TTLL5: variants seen among roughly 807,000 people sequenced by gnomAD.
TTLL5 encodes the protein tubulin polyglutamylase TTLL5.
In TTLL5, 132 loss-of-function variants were observed where a neutral mutation model predicts 168.4. The ratio of observed to expected loss-of-function variants is 0.78; its 90% CI spans 0.68 to 0.91. The LOEUF (loss-of-function observed/expected upper bound fraction) is 0.91, where lower values mean the gene tolerates loss of function less well. Ranked by LOEUF, TTLL5 falls within the 40% of genes least tolerant of loss-of-function variation. The probability of loss-of-function intolerance (pLI) is 0.00; values close to 1 mark genes in which losing one functional copy is unlikely to be tolerated. For synonymous variants in TTLL5, 546 were observed against 558.6 expected (o/e 0.98, Z 0.32); for missense variants, 1,545 against 1,581.5 (o/e 0.98, Z 0.39).
At chr14:75,928,367 A>ATATATATATATATATATATATATATATC in intron 31 of TTLL5, among the ~76,000 whole-genome samples, 2 of 140,096 alleles carry the variant, frequency 1.4e-5, no homozygotes, top group African/African-American at 2.8e-5. Context: ...ATATATATAT[A>ATATATATATATATATATATATATATATC]TCACTGTATT....
intron 17 of TTLL5, among the ~76,000 whole-genome samples, chr14:75,749,237 T>C (rs569100867): frequency 7.2e-5 from 11 of 152,292 alleles, no homozygotes; most frequent in Admixed American, 5.2e-4. Flanking sequence ...CCATTTACTT[T>C]TGAGTATTTC....
chr14:75,911,865 A>C (rs981823971), intron 31 of TTLL5, among the ~76,000 whole-genome samples: 1 of 152,242 alleles, frequency 6.6e-6, no homozygotes, highest in Non-Finnish European at 1.5e-5. Flanking sequence ...ATCATCGTAC[A>C]TGTGTACATT....
At chr14:75,679,522 A>G (rs1884440432) in intron 3 of TTLL5, among the ~76,000 whole-genome samples, 1 of 152,246 alleles carries the variant, frequency 6.6e-6, no homozygotes, top group Non-Finnish European at 1.5e-5. Context: ...GTAATTTGTC[A>G]CAGCAGCAAA....
chr14:75,757,138 T>A (rs1315810235), intron 18 of TTLL5, among the ~76,000 whole-genome samples: 3 of 152,082 alleles, frequency 2.0e-5, no homozygotes, highest in African/African-American at 7.2e-5. Context: ...CCACCACGCC[T>A]GGCTGATTTT....
At chr14:75,747,675 T>C (rs954611950) in intron 17 of TTLL5, among the ~76,000 whole-genome samples, 3 of 152,156 alleles carry the variant, frequency 2.0e-5, no homozygotes, top group African/African-American at 7.2e-5. Context: ...AAAGAGTCTT[T>C]TGAGGTGTCT....
chr14:75,752,957 T>C lies in TTLL5; in HGVS notation c.1550+2T>C. On this transcript the variant is annotated splice_donor_variant, in intron 18 of 31. Transcript: ENST00000298832. LOFTEE classifies it high-confidence loss of function. ...GGCAACACGCCTCTTCCAGGACAGG[T>C]AGAGATTTGCTAAACTTTAAATTTA... 11 of 1,612,230 alleles carry C rather than the reference T, an allele frequency of 6.8e-6. No homozygotes were observed. Among genetic ancestry groups the C allele is most frequent in the Non-Finnish European group, 9.3e-6 (11 of 1,178,772 alleles).
chr14:75,696,147 C>T (rs1885845389), intron 6 of TTLL5, among the ~76,000 whole-genome samples: 1 of 152,036 alleles, frequency 6.6e-6, no homozygotes, highest in African/African-American at 2.4e-5. Context: ...GCCCCAGTCT[C>T]CCAAAGCGCT....
In TTLL5 at chr14:75,954,301, C is replaced by CATTT; in HGVS notation, c.3824-118_3824-115dup. ...GAGCTTTCCACTTAGAGGTGAACTT[C>CATTT]ATTTATTTGGGCCACCACTTCTTTA... On this transcript the variant is annotated intron_variant, in intron 31 of 31. Transcript: ENST00000298832. 4 of 838,646 alleles carry CATTT rather than the reference C, an allele frequency of 4.8e-6. No individual in the cohort carries two copies. The South Asian group carries it at 6.0e-5, about 13-fold the overall frequency. 52.0% of individuals were successfully genotyped at this position (838,646 alleles called of 1,614,324 possible). A position where few individuals can be genotyped will look rare whatever the true frequency, so the allele number is the denominator to read the frequency against.
At position 75,669,540 on chromosome 14, in the gene TTLL5, C is replaced by A; in HGVS notation, c.181+18C>A. 1 of 1,607,004 alleles carries A rather than the reference C, an allele frequency of 6.2e-7. No homozygotes were observed. The highest frequency in any genetic ancestry group is 1.1e-5 in the South Asian group (1 of 90,758). On this transcript the variant is annotated intron_variant, in intron 3 of 31. Coordinates refer to ENST00000298832, the MANE Select transcript of TTLL5 (RefSeq NM_015072.5). ...AATTGGAGGTGCGTATAACCTCTCCCACAGAGGACGGAGCTGGGCATGGCC... is the reference window on the plus strand; with the variant it reads ...AATTGGAGGTGCGTATAACCTCTCCAACAGAGGACGGAGCTGGGCATGGCC...
chr14:75,827,707 C>CTTT lies in TTLL5; in HGVS notation c.3326+7575_3326+7577dup, dbSNP rs561078439. ...AATCAATACCACATTTGGCTTGGTT[C>CTTT]TTTTTTTTTTTTTTTTTTTTTTTTT... On this transcript the variant is annotated intron_variant, in intron 28 of 31. Coordinates refer to ENST00000298832, the MANE Select transcript of TTLL5 (RefSeq NM_015072.5). 1.4e-3 allele frequency among the ~76,000 whole-genome samples: 73 copies of CTTT among 53,204 alleles called. 8 individuals carry two copies. The highest frequency in any genetic ancestry group is 3.5e-3 in the African/African-American group (43 of 12,462). The allele number at this position is 53,204 out of a possible 152,430, so 34.9% of individuals were successfully genotyped here.
chr14:75,925,413 ACGGGGCGGCGGGG>A (rs2034007456), intron 31 of TTLL5, among the ~76,000 whole-genome samples: 1 of 14,718 alleles, frequency 6.8e-5, no homozygotes, highest in Non-Finnish European at 1.2e-4. Flanking sequence ...CACATCCCAG[ACGGGGCGGCGGGG>A]CAGAGGCGCT....
At chr14:75,665,366 G>T (rs151024017) in intron 2 of TTLL5, among the ~76,000 whole-genome samples, 18 of 152,272 alleles carry the variant, frequency 1.2e-4, no homozygotes, top group Non-Finnish European at 2.2e-4. Context: ...TCATAGGTCG[G>T]GGGTACTGGG....
intron 12 of TTLL5, among the ~76,000 whole-genome samples, chr14:75,723,508 A>G (rs921465918): frequency 6.6e-6 from 1 of 152,152 alleles, no homozygotes; most frequent in Admixed American, 6.5e-5. Context: ...ATTTTTCTAC[A>G]TCTACTTGGC....
chr14:75,815,141 A>C (rs1323948479), intron 27 of TTLL5, among the ~76,000 whole-genome samples: 2 of 152,168 alleles, frequency 1.3e-5, no homozygotes, highest in Non-Finnish European at 2.9e-5. Flanking sequence ...TGAGGGATGT[A>C]GGGGTGTTAG....
intron 28 of TTLL5, among the ~76,000 whole-genome samples, chr14:75,827,707 CTTTTTTTTTTT>C (rs561078439): frequency 1.0e-3 from 53 of 53,206 alleles, no homozygotes; most frequent in African/African-American, 2.9e-3. Context: ...TGGCTTGGTT[CTTTTTTTTTTT>C]TTTTTTTTTT....
intron 9 of TTLL5, chr14:75,711,853 T>G (rs985116773): frequency 1.3e-5 from 2 of 152,302 alleles, no homozygotes; most frequent in Non-Finnish European, 2.9e-5. Flanking sequence ...TCTGCTGGAT[T>G]CCTGTGGTTT....
chr14:75,719,854 A>G (rs368570141), intron 11 of TTLL5, 28 bp downstream of exon 11: 607 of 1,599,198 alleles, frequency 3.8e-4, no homozygotes, highest in Non-Finnish European at 5.0e-4. Context: ...TTCCTTCTTG[A>G]CTTCTCTTCT....
chr14:75,779,538 G>A, intron 23 of TTLL5, 37 bp from the exon 24 acceptor site: 2 of 1,595,940 alleles, frequency 1.3e-6, no homozygotes, highest in Non-Finnish European at 1.7e-6. Flanking sequence ...TTCCAGAATA[G>A]CTTCCTGTCT....
intron 2 of TTLL5, among the ~76,000 whole-genome samples, chr14:75,664,690 G>A (rs1248263703): frequency 6.6e-6 from 1 of 152,060 alleles, no homozygotes; most frequent in African/African-American, 2.4e-5. Context: ...AGTATATTTG[G>A]GTCATTCTTG....
Sources: gnomAD v4.1 joint callset for allele counts (sites outside exome capture counted in the v4.1 genomes callset) on GRCh38, gnomAD v4.1.1 for gene constraint, MANE v1.5 for transcripts, NCBI Gene and HGNC (gene_info 2026-07-23, HGNC 2026-07-21) for gene names.